The following INTS1 variants were observed in gnomAD, a reference collection of about 807,000 sequenced individuals.
INTS1 encodes integrator complex subunit 1.
A neutral mutation model predicts 241.6 loss-of-function variants in INTS1; 137 were observed. The observed-to-expected ratio is 0.57, with a 90% CI of 0.49 to 0.65. The LOEUF (loss-of-function observed/expected upper bound fraction) is 0.65. INTS1 is among the 30% of genes least tolerant of loss of function. The pLI is 0.00. For synonymous variants in INTS1, 1,692 were observed against 1,337.8 expected, an observed-to-expected ratio of 1.26 and a Z score of -5.78; for missense variants, 3,073 against 3,032.2, an observed-to-expected ratio of 1.01 and a Z score of -0.32.
rs765532922 is a variant in INTS1, at chr7:1,471,675, G to A, written c.6185-34C>T. The stretch of plus-strand genomic sequence containing the variant: ...GAGAGAGGGCCAGACCAGAACTGAA[G>A]GGCCCAGGCAGACCTCTGCCCACCC... On this transcript the variant is annotated intron_variant, in intron 44 of 47. Transcript: ENST00000404767. The A allele has an allele frequency of 1.5e-5, 24 of 1,605,672 alleles. No homozygotes were observed. The South Asian group carries it at 2.5e-4, about 17-fold the overall frequency.
chr7:1,500,555 G>C (rs551315477), intron 3 of INTS1, among the ~76,000 whole-genome samples, 189 bp from the exon 4 acceptor site: 1 of 152,050 alleles, frequency 6.6e-6, no homozygotes, highest in Non-Finnish European at 1.5e-5. Flanking sequence ...AATACAACAG[G>C]CTGCCCCACA....
At chr7:1,475,921 C>T (rs767567331) in intron 39 of INTS1, 27 bp downstream of exon 39, 93 of 1,524,448 alleles carry the variant, frequency 6.1e-5, no homozygotes, top group Non-Finnish European at 7.3e-5. Flanking sequence ...GGGACGGCGG[C>T]GGGGAGCGGC....
intron 16 of INTS1, among the ~76,000 whole-genome samples, chr7:1,491,757 G>A (rs1281973574): frequency 6.6e-6 from 1 of 152,170 alleles, no homozygotes; most frequent in Non-Finnish European, 1.5e-5. Flanking sequence ...AATTAGCTGG[G>A]CATGGTGGCA....
At position 1,502,876 on chromosome 7, in the gene INTS1, C is replaced by T. The variant is rs1032447692; in HGVS notation, c.349+25G>A. 12 of 1,611,966 alleles carry T rather than the reference C, an allele frequency of 7.4e-6. No homozygotes were observed. In the African/African-American group the frequency reaches 8.0e-5, roughly 11 times the overall value. On this transcript the variant is annotated intron_variant, in intron 3 of 47. Coordinates refer to ENST00000404767, the MANE Select transcript of INTS1 (RefSeq NM_001080453.3). ...GACGGCATGAGCTGAGGGGTGTTCT[C>T]GGGGGATGTCCACAGACTCATTACC...
chr7:1,499,105 T>C lies in INTS1; in HGVS notation c.1007A>G (p.Gln336Arg), dbSNP rs771942345. The C allele has an allele frequency of 6.2e-7, 1 of 1,611,228 alleles. No homozygotes were observed. The highest frequency in any genetic ancestry group is 1.1e-5 in the South Asian group (1 of 90,894). The change falls in exon 8 of 48, where the codon CAG (glutamine) becomes CGG (arginine). Residue 336 changes from glutamine (Q) to arginine (R), a missense_variant. Transcript: ENST00000404767. ...EEYVLDMLRD[Q>R]LNRRQPIDNV... ...GTCGATGGGCTGGCGCCGGTTCAGC[T>C]GGTCCCGCAGCATGTCCAGGACATA...
In INTS1 at chr7:1,493,813, G is replaced by A. The variant is rs767589342; in HGVS notation, c.2009C>T (p.Ala670Val). The A allele has an allele frequency of 7.6e-6, 12 of 1,574,516 alleles. No individual in the cohort carries two copies. The highest frequency in any genetic ancestry group is 5.8e-5 in the South Asian group (5 of 85,734). The change falls in exon 15 of 48, where the codon GCG (alanine) becomes GTG (valine). Residue 670 changes from alanine to valine, a missense_variant. By Grantham distance (64) the Ala-to-Val change is moderately conservative (BLOSUM62 0). Transcript: ENST00000404767. This position sits in a 1 kb window ranked among gnomAD's most constrained non-coding sequence, Gnocchi z 5.3. Reference protein sequence around the residue: ...GLSRELPLGPADAMELADHLV... With the variant: ...GLSRELPLGPVDAMELADHLV... ...GTGGTCAGCAAGCTCCATGGCGTCC[G>A]CAGGCCCGAGCGGGAGCTCCCGGGA... is the stretch of plus-strand genomic sequence containing the variant.
At chr7:1,490,857 C>T (rs911903456) in intron 16 of INTS1, among the ~76,000 whole-genome samples, 1 of 152,232 alleles carries the variant, frequency 6.6e-6, no homozygotes, top group Non-Finnish European at 1.5e-5. Context: ...ACGGACAGAA[C>T]AGACGTGCAG....
Position 1,485,173 on chromosome 7 carries a change from G to T in INTS1, c.3186C>A (p.Thr1062=), listed in dbSNP as rs1283103470. The change falls in exon 24 of 48, where the codon ACC becomes ACA. Residue 1062 remains threonine (T), a synonymous_variant. Transcript: ENST00000404767. The part of the protein sequence containing the change: ...QAIHMETDPQ[T]ISAYLIYLSQ... ...ACAAGTAGATCAGGTAGGCGCTGATGGTCTGGGGATCAGTCTCCATGTGGA... is the reference window on the plus strand; with the variant it reads ...ACAAGTAGATCAGGTAGGCGCTGATTGTCTGGGGATCAGTCTCCATGTGGA... 1.2e-6 allele frequency: 2 copies of T among 1,600,632 alleles called. No individual in the cohort carries two copies. The highest frequency in any genetic ancestry group is 1.7e-5 in the Admixed American group (1 of 59,980).
At chr7:1,472,516 G>A (rs1781519009) in intron 43 of INTS1, 130 bp from the exon 44 acceptor site, 1 of 627,900 alleles carries the variant, frequency 1.6e-6, no homozygotes. Context: ...ACACAGCAGC[G>A]CTCCACAAAT....
chr7:1,477,592 G>T lies in INTS1; in HGVS notation c.4896C>A (p.Ser1632Arg). 6.4e-7 allele frequency: 1 copy of T among 1,561,820 alleles called. No individual in the cohort carries two copies. The highest frequency in any genetic ancestry group is 8.7e-7 in the Non-Finnish European group (1 of 1,155,212). The change falls in exon 35 of 48, where the codon AGC becomes AGA. Residue 1632 changes from serine (S) to arginine (R), a missense_variant. Coordinates refer to ENST00000404767, the MANE Select transcript of INTS1 (RefSeq NM_001080453.3). ...LEMLDPEVVS[S>R]CPDLQLRLLF... ...GCAGCCTGAGCTGCAGGTCGGGGCAGCTGCTGACCACCTCGGGGTCCAGCA... is the reference window on the plus strand; with the variant it reads ...GCAGCCTGAGCTGCAGGTCGGGGCATCTGCTGACCACCTCGGGGTCCAGCA...
In INTS1 at chr7:1,478,290, G is replaced by T. The variant is rs566076264; in HGVS notation, c.4630+76C>A. ...GAGCAGACACTGTCCGTCCCCCACTGGGCAGCTAGAAGGAGCCTCAGGTTT... is the reference window on the plus strand; with the variant it reads ...GAGCAGACACTGTCCGTCCCCCACTTGGCAGCTAGAAGGAGCCTCAGGTTT... On this transcript the variant is annotated intron_variant, in intron 33 of 47. Coordinates refer to ENST00000404767, the MANE Select transcript of INTS1 (RefSeq NM_001080453.3). The T allele has an allele frequency of 4.0e-6, 6 of 1,508,860 alleles. No individual in the cohort carries two copies. In the African/African-American group the frequency reaches 5.5e-5, roughly 14 times the overall value. The allele number at this position is 1,508,860 out of a possible 1,614,324, so 93.5% of individuals were successfully genotyped here.
intron 19 of INTS1, 83 bp from the exon 20 acceptor site, chr7:1,487,532 G>C (rs1177540093): frequency 2.7e-6 from 4 of 1,496,320 alleles, no homozygotes; most frequent in African/African-American, 2.8e-5. Context: ...TCCCTGCTTC[G>C]AGGGGCAGCC....
At position 1,497,308 on chromosome 7, in the gene INTS1, C is replaced by T. The variant is rs757573141; in HGVS notation, c.1432G>A (p.Ala478Thr). The T allele has an allele frequency of 6.2e-7, 1 of 1,612,096 alleles. No homozygotes were observed. The highest frequency in any genetic ancestry group is 8.5e-7 in the Non-Finnish European group (1 of 1,179,152). Residue 478 changes from alanine to threonine, a missense_variant, in exon 11 of 48, where the codon GCC becomes ACC. By Grantham distance (58) the Ala-to-Thr change is moderately conservative. Transcript: ENST00000404767. The surrounding 1 kb of genome is among the most constrained non-coding windows in gnomAD (Gnocchi z 5.3). ...HSSELAPKFL[A>T]MVFQDLLTNK... Reference sequence around the variant, plus strand: ...GTCAGCAGGTCCTGGAACACCATGGCCAGGAACTGGGGCAGAGAGAGGCCG... The same window carrying T: ...GTCAGCAGGTCCTGGAACACCATGGTCAGGAACTGGGGCAGAGAGAGGCCG...
chr7:1,486,899 G>A (rs1320506735), intron 21 of INTS1, 23 bp downstream of exon 21: 3 of 1,583,822 alleles, frequency 1.9e-6, no homozygotes, highest in Non-Finnish European at 2.6e-6. Context: ...AGGCGGGGGG[G>A]CTGAGGGGTG....
Position 1,487,062 on chromosome 7 carries a change from G to A in INTS1, c.2686C>T (p.Gln896Ter). 1 of 1,563,962 alleles carries A rather than the reference G, an allele frequency of 6.4e-7. No homozygotes were observed. The highest frequency in any genetic ancestry group is 8.6e-7 in the Non-Finnish European group (1 of 1,159,222). The change falls in exon 21 of 48, where the codon CAG (glutamine) becomes TAG (stop). Residue 896 changes from glutamine (Q) to a stop codon, truncating the protein, a stop_gained. Transcript: ENST00000404767. LOFTEE classifies it high-confidence loss of function. ...ACGTCCAGGGAGCCCTCGCTGGACT[G>A]TACCAGGTCCGCCAGCCAGGGCATG... The part of the protein sequence containing the change: ...QSMPWLADLV[Q>*]SSEGSLDVLP...
intron 14 of INTS1, 97 bp downstream of exon 14, chr7:1,494,719 G>A (rs767642924): frequency 1.6e-5 from 20 of 1,217,600 alleles, no homozygotes; most frequent in East Asian, 1.0e-4. Flanking sequence ...GGGAACAGCC[G>A]CCCAACTCCC....
chr7:1,478,066 C>T lies in INTS1; in HGVS notation c.4631-130G>A, dbSNP rs1056383038. The T allele has an allele frequency of 2.0e-5, 16 of 801,390 alleles. No individual in the cohort carries two copies. The African/African-American group carries it at 2.7e-4, about 14-fold the overall frequency. 49.6% of individuals were successfully genotyped at this position (801,390 alleles called of 1,614,324 possible). A position where few individuals can be genotyped will look rare whatever the true frequency, so the allele number is the denominator to read the frequency against. On this transcript the variant is annotated intron_variant, in intron 33 of 47. Transcript: ENST00000404767. ...ACACAAGAGCAGAGTCCAGCCGGAGCCAGAGAGGAGAGTGCAGCCGGGGCC... is the reference window on the plus strand; with the variant it reads ...ACACAAGAGCAGAGTCCAGCCGGAGTCAGAGAGGAGAGTGCAGCCGGGGCC...
intron 22 of INTS1, 137 bp from the exon 23 acceptor site, chr7:1,485,606 G>T: frequency 2.3e-6 from 2 of 864,646 alleles, no homozygotes; most frequent in South Asian, 1.8e-5. Context: ...AGAGGCCGCA[G>T]GTAAAAGGGA....
chr7:1,503,829 G>T (rs564554366), intron 2 of INTS1, 74 bp downstream of exon 2: 7 of 925,696 alleles, frequency 7.6e-6, no homozygotes, highest in Middle Eastern at 2.6e-4. Flanking sequence ...CAGGATCCGC[G>T]GCAGCTGAGA....
Sources: allele counts gnomAD v4.1 joint callset (sites outside exome capture counted in the v4.1 genomes callset), GRCh38; gene constraint gnomAD v4.1.1; non-coding constraint Gnocchi (gnomAD v3.1); transcripts MANE v1.5; gene names NCBI Gene and HGNC (gene_info 2026-07-23, HGNC 2026-07-21).